SNX18: variants seen among roughly 807,000 people sequenced by gnomAD.
SNX18 encodes the protein sorting nexin-18.
A neutral mutation model predicts 48.7 loss-of-function variants in SNX18; 35 were observed. The observed-to-expected ratio is 0.72, with a 90% CI of 0.55 to 0.95. SNX18 has a LOEUF of 0.95. SNX18 is among the 40% of genes least tolerant of loss of function. SNX18 has a pLI of 0.00. For synonymous variants in SNX18, 492 were observed against 384.7 expected (o/e 1.28, Z -3.26); for missense variants, 824 against 871.0 (o/e 0.95, Z 0.68).
the SNX18 span, among the ~76,000 whole-genome samples, chr5:54,631,183 C>T: frequency 6.6e-6 from 1 of 152,134 alleles, no homozygotes; most frequent in Admixed American, 6.5e-5. Flanking sequence ...AGTGCTTGTC[C>T]CCAGCCAAAA....
chr5:54,530,656 G>T (rs2914963), intron 1 of SNX18, among the ~76,000 whole-genome samples: 148,844 of 151,596 alleles, frequency 0.98, 73,077 homozygotes, highest in East Asian at 1. Flanking sequence ...TTAAGCTTCA[G>T]AGGAGCTTAA....
At chr5:54,616,310 A>C in the SNX18 span, among the ~76,000 whole-genome samples, 1 of 152,128 alleles carries the variant, frequency 6.6e-6, no homozygotes, top group African/African-American at 2.4e-5. Context: ...AGTTTTCAAC[A>C]CCCACTCACT....
At chr5:54,635,022 T>C in the SNX18 span, among the ~76,000 whole-genome samples, 1 of 152,006 alleles carries the variant, frequency 6.6e-6, no homozygotes, top group African/African-American at 2.4e-5. Context: ...TAGTGATTCA[T>C]TTTTGAACTT....
the SNX18 span, among the ~76,000 whole-genome samples, chr5:54,584,295 G>A: frequency 6.6e-6 from 1 of 152,038 alleles, no homozygotes; most frequent in African/African-American, 2.4e-5. Flanking sequence ...CAGTCCGCGT[G>A]CCTCAGCCTC....
the SNX18 span, among the ~76,000 whole-genome samples, chr5:54,606,926 C>A: frequency 1.3e-5 from 2 of 150,990 alleles, no homozygotes; most frequent in African/African-American, 4.8e-5. Context: ...TCCAACATCA[C>A]AAGGATCCCT....
chr5:54,586,586 C>T, the SNX18 span, among the ~76,000 whole-genome samples: 3 of 152,164 alleles, frequency 2.0e-5, no homozygotes, highest in African/African-American at 7.2e-5. Context: ...TCAAGCTGAA[C>T]TCATTGTTTA....
intron 1 of SNX18, among the ~76,000 whole-genome samples, chr5:54,525,685 A>C (rs1385059539): frequency 6.6e-6 from 1 of 152,154 alleles, no homozygotes; most frequent in Non-Finnish European, 1.5e-5. Context: ...TCTGGTGCAG[A>C]TCACTTAATG....
At chr5:54,647,923 GGT>G in the SNX18 span, among the ~76,000 whole-genome samples, 2 of 151,926 alleles carry the variant, frequency 1.3e-5, no homozygotes, top group Non-Finnish European at 2.9e-5. Flanking sequence ...AAGGGTGAAT[GGT>G]TCCCAGTTTA....
the SNX18 span, among the ~76,000 whole-genome samples, chr5:54,558,984 C>CA: frequency 8.1e-3 from 1,160 of 142,338 alleles, 13 homozygotes; most frequent in African/African-American, 0.024. Flanking sequence ...CAATTGCTAC[C>CA]AAAAAAAAAA....
At chr5:54,635,757 C>G in the SNX18 span, among the ~76,000 whole-genome samples, 11 of 152,334 alleles carry the variant, frequency 7.2e-5, no homozygotes, top group Admixed American at 5.2e-4. Context: ...GGGCCCCATG[C>G]TCAGAGGGCC....
the SNX18 span, among the ~76,000 whole-genome samples, chr5:54,597,659 T>G: frequency 6.6e-6 from 1 of 152,060 alleles, no homozygotes; most frequent in Non-Finnish European, 1.5e-5. Flanking sequence ...AACATGAAAT[T>G]AAGGTGGAAA....
At chr5:54,555,897 T>TA in the SNX18 span, among the ~76,000 whole-genome samples, 2 of 152,084 alleles carry the variant, frequency 1.3e-5, no homozygotes, top group East Asian at 3.9e-4. Flanking sequence ...ATTTTAAAAG[T>TA]ATTAAAGCCT....
the SNX18 span, among the ~76,000 whole-genome samples, chr5:54,643,120 C>A: frequency 1.3e-5 from 2 of 152,146 alleles, no homozygotes; most frequent in African/African-American, 2.4e-5. Flanking sequence ...GCATTCCCAA[C>A]CTCGTTTCTC....
the SNX18 span, among the ~76,000 whole-genome samples, chr5:54,619,222 C>A: frequency 5.9e-5 from 9 of 152,028 alleles, no homozygotes; most frequent in Admixed American, 3.3e-4. Context: ...ATTAAAAAAA[C>A]AACAAAGGCC....
chr5:54,519,631 C>T lies in SNX18; in HGVS notation c.1621+58C>T, dbSNP rs1188200951. ...AGTGTATTGTGCAGGCTGAAAGGGG[C>T]GACTTTGACAGCAGTACCACTGTGG... On this transcript the variant is annotated intron_variant, in intron 1 of 1. Coordinates refer to ENST00000381410, the MANE Select transcript of SNX18 (RefSeq NM_001102575.2). 15 of 1,613,992 alleles carry T rather than the reference C, an allele frequency of 9.3e-6. No homozygotes were observed. In the East Asian group the frequency reaches 1.3e-4, roughly 14 times the overall value.
intron 1 of SNX18, among the ~76,000 whole-genome samples, chr5:54,530,014 A>T (rs1285444682): frequency 3.3e-5 from 5 of 152,166 alleles, no homozygotes; most frequent in Non-Finnish European, 7.3e-5. Context: ...TGCTCCCTTC[A>T]GAGGCTCTAG....
At chr5:54,615,431 A>G in the SNX18 span, among the ~76,000 whole-genome samples, 1 of 151,684 alleles carries the variant, frequency 6.6e-6, no homozygotes, top group Admixed American at 6.6e-5. Context: ...ACTCTCTTTT[A>G]AAAATCCAGC....
chr5:54,589,148 A>AC, the SNX18 span, among the ~76,000 whole-genome samples: 2 of 151,672 alleles, frequency 1.3e-5, no homozygotes, highest in South Asian at 4.2e-4. Flanking sequence ...GACACCCCCA[A>AC]CCCCCTGCCC....
the SNX18 span, among the ~76,000 whole-genome samples, chr5:54,580,281 T>A: frequency 6.6e-6 from 1 of 152,262 alleles, no homozygotes; most frequent in Non-Finnish European, 1.5e-5. Context: ...AATGGTGTTT[T>A]ATTTATGCTT....
Sources: allele counts gnomAD v4.1 joint callset (sites outside exome capture counted in the v4.1 genomes callset), GRCh38; gene constraint gnomAD v4.1.1; transcripts MANE v1.5; gene names NCBI Gene and HGNC (gene_info 2026-07-23, HGNC 2026-07-21).